HERC2: variants seen among roughly 807,000 people sequenced by gnomAD.
HERC2 encodes HECT and RLD domain containing E3 ubiquitin protein ligase 2, also known as E3 ubiquitin-protein ligase HERC2.
HERC2 carries 102 observed loss-of-function variants against 537.7 expected under a neutral mutation model. The observed-to-expected ratio is 0.19, with a 90% CI of 0.16 to 0.22. The LOEUF (loss-of-function observed/expected upper bound fraction) is 0.22, where lower values mean the gene tolerates loss of function less well. Ranked by LOEUF, HERC2 falls within the 10% of genes least tolerant of loss-of-function variation. HERC2 has a pLI of 1.00. For synonymous variants in HERC2, 2,224 were observed against 2,466.2 expected, an observed-to-expected ratio of 0.90 and a Z score of 2.91; for missense variants, 4,236 against 6,198.2, an observed-to-expected ratio of 0.68 and a Z score of 10.63.
chr15:28,256,643 AG>A (rs1217861697), intron 17 of HERC2, among the ~76,000 whole-genome samples: 1 of 152,142 alleles, frequency 6.6e-6, no homozygotes, highest in African/African-American at 2.4e-5. Context: ...CAACCAAAAA[AG>A]CTGCCACAGG....
At position 28,192,151 on chromosome 15, in the gene HERC2, C is replaced by A; in HGVS notation, c.8261G>T (p.Gly2754Val). ...RHTFGRINEP[G>V]QSAVFCGRSG... ...ACGGCCACAAAATACCGCAGACTGA[C>A]CTATTTCGTGATAGTCAAAAAGAGA... Residue 2754 changes from glycine to valine, a missense_variant and splice_region_variant, in exon 53 of 93, where the codon GGT becomes GTT. This residue lies in a region of HERC2 where 606 missense variants were observed against 884.5 expected (regional missense o/e 0.69). Transcript: ENST00000261609. The A allele has an allele frequency of 1.2e-6, 2 of 1,609,450 alleles. No homozygotes were observed. The highest frequency in any genetic ancestry group is 1.7e-6 in the Non-Finnish European group (2 of 1,176,670).
chr15:28,240,376 T>C (rs947602796), intron 23 of HERC2, among the ~76,000 whole-genome samples: 5 of 152,064 alleles, frequency 3.3e-5, no homozygotes, highest in Non-Finnish European at 5.9e-5. Context: ...TGAGATCACG[T>C]CACTACACTC....
intron 83 of HERC2, 23 bp from the exon 84 acceptor site, chr15:28,125,216 C>A: frequency 3.8e-6 from 6 of 1,592,062 alleles, no homozygotes; most frequent in Non-Finnish European, 5.2e-6. Flanking sequence ...AATTTAGAAT[C>A]AGAACCTGTA....
At chr15:28,235,129 G>A (rs1902288904) in intron 26 of HERC2, among the ~76,000 whole-genome samples, 1 of 151,956 alleles carries the variant, frequency 6.6e-6, no homozygotes, top group South Asian at 2.1e-4. Flanking sequence ...AATCAAAGCG[G>A]GATGCACTTA....
At chr15:28,129,780 C>CTT (rs36068402) in intron 83 of HERC2, among the ~76,000 whole-genome samples, 92,547 of 143,450 alleles carry the variant, frequency 0.65, 35,084 homozygotes, top group Non-Finnish European at 0.85. Context: ...CCTCTGCCTC[C>CTT]TTTTTTTTTT....
intron 4 of HERC2, among the ~76,000 whole-genome samples, chr15:28,280,742 T>TA (rs145826647): frequency 8.8e-4 from 130 of 148,046 alleles, no homozygotes; most frequent in African/African-American, 2.6e-3. Flanking sequence ...CCTTCTCTAC[T>TA]AAAAAAAAAA....
chr15:28,301,733 GTGTATATATATATATATATATATA>G (rs1469359773), intron 2 of HERC2, among the ~76,000 whole-genome samples: 15 of 30,906 alleles, frequency 4.9e-4, no homozygotes, highest in East Asian at 4.3e-3. Context: ...TTGTATGTAT[GTGTATATATATATATATATATATA>G]TATATATATA....
At chr15:28,212,268 G>A (rs1299986821) in intron 43 of HERC2, among the ~76,000 whole-genome samples, 177 bp downstream of exon 43, 4 of 152,164 alleles carry the variant, frequency 2.6e-5, no homozygotes, top group Admixed American at 2.6e-4. Flanking sequence ...AAGCTGACTC[G>A]AAAATACTCA....
At position 28,268,513 on chromosome 15, in the gene HERC2, T is replaced by C. The variant is rs1308753091; in HGVS notation, c.1550A>G (p.Tyr517Cys). 3.7e-6 allele frequency: 6 copies of C among 1,613,880 alleles called. No individual in the cohort carries two copies. The South Asian group carries it at 6.6e-5, about 18-fold the overall frequency. The change falls in exon 12 of 93, where the codon TAC (tyrosine) becomes TGC (cysteine). Residue 517 changes from tyrosine to cysteine, a missense_variant. Physicochemically the swap from Tyr to Cys is radical, Grantham distance 194. This residue lies in a region of HERC2 where 754 missense variants were observed against 1,085.0 expected (regional missense o/e 0.69). Transcript: ENST00000261609. The surrounding 1 kb of genome is among the most constrained non-coding windows in gnomAD (Gnocchi z 4.7). Reference sequence around the variant, plus strand: ...TCCGCCGTCCCCACAGCCCCAGGAGTACACCTCTCCAGTAGCAGCCAAGGC... The same window carrying C: ...TCCGCCGTCCCCACAGCCCCAGGAGCACACCTCTCCAGTAGCAGCCAAGGC... ...YLALAATGEV[Y>C]SWGCGDGGRL...
At chr15:28,207,377 C>A (rs1898596022) in intron 44 of HERC2, among the ~76,000 whole-genome samples, 1 of 152,184 alleles carries the variant, frequency 6.6e-6, no homozygotes, top group South Asian at 2.1e-4. Flanking sequence ...CTCAGGTGAT[C>A]CACCCGCCTC....
At chr15:28,206,912 G>T (rs558758595) in intron 44 of HERC2, among the ~76,000 whole-genome samples, 1 of 150,032 alleles carries the variant, frequency 6.7e-6, no homozygotes, top group Non-Finnish European at 1.5e-5. Flanking sequence ...TCGCAAGGCT[G>T]AGGCAGGAGA....
chr15:28,144,262 C>T lies in HERC2; in HGVS notation c.11141-27G>A, dbSNP rs369369732. ...TGTGAATGAACACTGTAAACATCCC[C>T]GGGTTTCACAAGCTAGGTACCACCC... On this transcript the variant is annotated intron_variant, in intron 72 of 92. Transcript: ENST00000261609. 6.7e-5 allele frequency: 108 copies of T among 1,608,158 alleles called. 1 individual carries two copies. The highest frequency in any genetic ancestry group is 5.4e-4 in the East Asian group (24 of 44,784).
chr15:28,205,042 G>A (rs1898275575), intron 45 of HERC2, among the ~76,000 whole-genome samples: 1 of 151,686 alleles, frequency 6.6e-6, no homozygotes, highest in South Asian at 2.1e-4. Context: ...GGCGGGGTGT[G>A]CCACCATTGT....
intron 65 of HERC2, among the ~76,000 whole-genome samples, chr15:28,171,473 G>T (rs1894692528): frequency 6.6e-6 from 1 of 152,114 alleles, no homozygotes; most frequent in Admixed American, 6.5e-5. Context: ...GACAGCACAG[G>T]AAGGTGAAGC....
In HERC2 at chr15:28,130,313, A is replaced by G. The variant is rs1889972805; in HGVS notation, c.12663-11T>C. On this transcript the variant is annotated splice_polypyrimidine_tract_variant and intron_variant, in intron 82 of 92. Coordinates refer to ENST00000261609, the MANE Select transcript of HERC2 (RefSeq NM_004667.6). ...TAATCGCCTTTGCCCCTGCACACAA[A>G]GGAAGCATGGAAATTATGGGGCAAG... 1 of 1,613,988 alleles carries G rather than the reference A, an allele frequency of 6.2e-7. No homozygotes were observed.
chr15:28,254,849 T>C (rs2075203976), intron 19 of HERC2, among the ~76,000 whole-genome samples: 1 of 152,226 alleles, frequency 6.6e-6, no homozygotes, highest in Non-Finnish European at 1.5e-5. Context: ...ATCCAGCTGC[T>C]TTGTAAGGAC....
At position 28,122,154 on chromosome 15, in the gene HERC2, C is replaced by T. The variant is rs1050475794; in HGVS notation, c.13189-725G>A. On this transcript the variant is annotated intron_variant, in intron 85 of 92. Transcript: ENST00000261609. This position sits in a 1 kb window ranked among gnomAD's most constrained non-coding sequence, Gnocchi z 4.1. ...TGGCTGGGATCACACTAAAAGAAAT[C>T]GGGAGTGCCTGGGGTGAAGACAGCA... Among the ~76,000 whole-genome samples, 5 of 152,180 alleles carry T rather than the reference C, an allele frequency of 3.3e-5. No homozygotes were observed. The highest frequency in any genetic ancestry group is 7.3e-5 in the Non-Finnish European group (5 of 68,030).
intron 4 of HERC2, among the ~76,000 whole-genome samples, chr15:28,291,552 T>C (rs1477478405): frequency 6.6e-6 from 1 of 152,062 alleles, no homozygotes; most frequent in East Asian, 1.9e-4. Context: ...AATCTATACA[T>C]TTTTATAAGA....
chr15:28,196,140 T>G, intron 52 of HERC2, 75 bp downstream of exon 52: 13 of 1,395,288 alleles, frequency 9.3e-6, no homozygotes, highest in Non-Finnish European at 1.2e-5. Flanking sequence ...AATAACAAAT[T>G]CCAATACACT....
Sources: gnomAD v4.1 joint callset for allele counts (sites outside exome capture counted in the v4.1 genomes callset) on GRCh38, gnomAD v4.1.1 for gene constraint, gnomAD v4.1.1 regional missense constraint, Gnocchi (gnomAD v3.1) non-coding constraint, MANE v1.5 for transcripts, NCBI Gene and HGNC (gene_info 2026-07-23, HGNC 2026-07-21) for gene names.